ATXN7L1: variants seen among roughly 807,000 people sequenced by gnomAD.
The protein encoded by ATXN7L1 is ataxin-7-like protein 1.
Under a neutral mutation model 70.8 loss-of-function variants are expected in ATXN7L1, and 15 were observed. The observed-to-expected ratio is 0.21, with a 90% confidence interval of 0.14 to 0.33. The LOEUF (loss-of-function observed/expected upper bound fraction) is 0.33. ATXN7L1 is among the 10% of genes least tolerant of loss of function. The pLI is 1.00. For synonymous variants in ATXN7L1, 440 were observed against 445.1 expected, an observed-to-expected ratio of 0.99 and a Z score of 0.14; for missense variants, 975 against 1,097.1, an observed-to-expected ratio of 0.89 and a Z score of 1.57.
intron 4 of ATXN7L1, among the ~76,000 whole-genome samples, chr7:105,655,705 C>G (rs1186245918): frequency 6.6e-6 from 1 of 152,244 alleles, no homozygotes. Flanking sequence ...CTCCCACAGG[C>G]ATCTGGCCAG....
intron 7 of ATXN7L1, among the ~76,000 whole-genome samples, chr7:105,636,928 C>T (rs567330586): frequency 1.6e-4 from 24 of 152,242 alleles, no homozygotes; most frequent in African/African-American, 5.1e-4. Context: ...GTTTAAAAGT[C>T]GCTGTATATA....
Position 105,614,982 on chromosome 7 carries a change from C to A in ATXN7L1, c.1518-166G>T, listed in dbSNP as rs1050426811. Among the ~76,000 whole-genome samples the A allele has an allele frequency of 6.6e-6, 1 of 152,060 alleles. No homozygotes were observed. Among genetic ancestry groups the A allele is most frequent in the Non-Finnish European group, 1.5e-5 (1 of 68,022 alleles). On this transcript the variant is annotated intron_variant, in intron 9 of 11. Coordinates refer to ENST00000419735, the MANE Select transcript of ATXN7L1 (RefSeq NM_020725.2). The surrounding 1 kb of genome is among the most constrained non-coding windows in gnomAD (Gnocchi z 4.3). ...GGGAGAATCTGAAGCATGGCCCCTCCTTATGGCACCCCCCATTGCAACATC... is the reference window on the plus strand; with the variant it reads ...GGGAGAATCTGAAGCATGGCCCCTCATTATGGCACCCCCCATTGCAACATC...
intron 2 of ATXN7L1, among the ~76,000 whole-genome samples, chr7:105,812,297 A>C (rs1184664859): frequency 6.6e-6 from 1 of 152,234 alleles, no homozygotes; most frequent in Non-Finnish European, 1.5e-5. Context: ...CTAAGTTTGG[A>C]GTCAACGAAA....
At chr7:105,802,518 C>G (rs1439604526) in intron 2 of ATXN7L1, among the ~76,000 whole-genome samples, 1 of 152,198 alleles carries the variant, frequency 6.6e-6, no homozygotes, top group African/African-American at 2.4e-5. Context: ...TCAGGTGAGT[C>G]AGGGAAAATT....
At chr7:105,617,567 T>G (rs1394406204) in intron 9 of ATXN7L1, among the ~76,000 whole-genome samples, 2 of 152,094 alleles carry the variant, frequency 1.3e-5, no homozygotes, top group Non-Finnish European at 2.9e-5. Flanking sequence ...GAGGGGCATG[T>G]GGCAGCTCCC....
chr7:105,699,882 C>G (rs1035900549), intron 3 of ATXN7L1, among the ~76,000 whole-genome samples: 2 of 152,130 alleles, frequency 1.3e-5, no homozygotes, highest in African/African-American at 2.4e-5. Flanking sequence ...TGAAGGCCTG[C>G]CCCCACAATC....
intron 3 of ATXN7L1, among the ~76,000 whole-genome samples, chr7:105,669,217 G>T (rs1000640015): frequency 6.6e-6 from 1 of 152,162 alleles, no homozygotes; most frequent in Non-Finnish European, 1.5e-5. Flanking sequence ...GAGTAGCTGC[G>T]ATTACAGGTA....
At chr7:105,612,925 G>C (rs1428445356) in intron 10 of ATXN7L1, among the ~76,000 whole-genome samples, 1 of 152,212 alleles carries the variant, frequency 6.6e-6, no homozygotes, top group East Asian at 1.9e-4. Context: ...CCTTGATTCT[G>C]TGTAACGGTC....
chr7:105,765,835 C>T (rs1349945024), intron 3 of ATXN7L1, among the ~76,000 whole-genome samples: 2 of 152,154 alleles, frequency 1.3e-5, no homozygotes, highest in African/African-American at 4.8e-5. Context: ...CGATGCTCCA[C>T]ATTTCCTCCT....
chr7:105,691,666 A>G (rs1430830707), intron 3 of ATXN7L1: 1 of 151,686 alleles, frequency 6.6e-6, no homozygotes, highest in Non-Finnish European at 1.5e-5. Context: ...AGTAAAAAAA[A>G]AAAAAAGAAA....
At chr7:105,813,186 TA>T (rs1808679413) in intron 2 of ATXN7L1, among the ~76,000 whole-genome samples, 1 of 152,210 alleles carries the variant, frequency 6.6e-6, no homozygotes, top group Admixed American at 6.5e-5. Flanking sequence ...AATGCTTTGT[TA>T]AAACCAGAGA....
chr7:105,862,371 C>A (rs893850660), intron 2 of ATXN7L1, among the ~76,000 whole-genome samples: 1 of 152,086 alleles, frequency 6.6e-6, no homozygotes, highest in Admixed American at 6.6e-5. Flanking sequence ...CCCGGGAGGT[C>A]AAGGCTGCAG....
intron 2 of ATXN7L1, among the ~76,000 whole-genome samples, chr7:105,862,101 T>C (rs1816724864): frequency 6.6e-6 from 1 of 152,134 alleles, no homozygotes; most frequent in Non-Finnish European, 1.5e-5. Context: ...AACAGGGCTG[T>C]TGTACATGGG....
intron 2 of ATXN7L1, among the ~76,000 whole-genome samples, chr7:105,794,999 C>T (rs779189029): frequency 3.9e-5 from 6 of 152,190 alleles, no homozygotes; most frequent in Non-Finnish European, 8.8e-5. Flanking sequence ...ATCACATTCA[C>T]GTTATCAGCT....
intron 7 of ATXN7L1, among the ~76,000 whole-genome samples, chr7:105,627,895 A>G (rs1484289466): frequency 8.3e-5 from 10 of 119,832 alleles, no homozygotes; most frequent in Non-Finnish European, 1.4e-4. Flanking sequence ...CCCAGGCTGG[A>G]GTGCAGTGGC....
chr7:105,649,291 T>C (rs561195656), intron 4 of ATXN7L1: 141 of 879,626 alleles, frequency 1.6e-4, no homozygotes, highest in Non-Finnish European at 1.9e-4. Context: ...GTGTCTAATA[T>C]GCTGGGAGTA....
chr7:105,615,464 C>A (rs543975959), intron 9 of ATXN7L1, among the ~76,000 whole-genome samples: 5 of 152,158 alleles, frequency 3.3e-5, no homozygotes, highest in African/African-American at 1.2e-4. Context: ...CACTGACTCG[C>A]GGCTGCTGGC....
chr7:105,721,776 C>A (rs1393758978), intron 3 of ATXN7L1, among the ~76,000 whole-genome samples: 1 of 152,242 alleles, frequency 6.6e-6, no homozygotes, highest in Non-Finnish European at 1.5e-5. Context: ...CCACAGGGCT[C>A]TGCTTTCCCT....
intron 3 of ATXN7L1, among the ~76,000 whole-genome samples, chr7:105,752,091 G>T (rs1410504748): frequency 6.6e-6 from 1 of 152,228 alleles, no homozygotes; most frequent in Non-Finnish European, 1.5e-5. Flanking sequence ...CAAGGTGGTT[G>T]TTTTTGCATC....
Sources: allele counts gnomAD v4.1 joint callset (sites outside exome capture counted in the v4.1 genomes callset), GRCh38; gene constraint gnomAD v4.1.1; non-coding constraint Gnocchi (gnomAD v3.1); transcripts MANE v1.5; gene names NCBI Gene and HGNC (gene_info 2026-07-23, HGNC 2026-07-21).